The following MGRN1 variants were observed in gnomAD, a reference collection of about 807,000 sequenced individuals.
MGRN1 encodes the protein E3 ubiquitin-protein ligase MGRN1.
MGRN1 carries 29 observed loss-of-function variants against 69.2 expected under a neutral mutation model. The observed-to-expected ratio is 0.42, with a 90% CI of 0.31 to 0.57. The LOEUF (loss-of-function observed/expected upper bound fraction) is 0.57, where lower values mean the gene tolerates loss of function less well. Ranked by LOEUF, MGRN1 falls within the 20% of genes least tolerant of loss-of-function variation. MGRN1 has a pLI of 0.15. For synonymous variants in MGRN1, 470 were observed against 344.2 expected, an observed-to-expected ratio of 1.37 and a Z score of -4.04; for missense variants, 998 against 796.2, an observed-to-expected ratio of 1.25 and a Z score of -3.05.
At chr16:4,659,048 T>G (rs978642313) in intron 5 of MGRN1, 2 of 151,500 alleles carry the variant, frequency 1.3e-5, no homozygotes, top group Non-Finnish European at 2.9e-5. Context: ...TAAGGAGGGG[T>G]GAAAACCGAA....
In MGRN1 at chr16:4,650,346, T is replaced by C. The variant is rs1425540941; in HGVS notation, c.89-19T>C. 2 of 1,549,882 alleles carry C rather than the reference T, an allele frequency of 1.3e-6. No homozygotes were observed. Among genetic ancestry groups the C allele is most frequent in the Non-Finnish European group, 1.8e-6 (2 of 1,138,046 alleles). Reference sequence around the variant, plus strand: ...AAAAAAAAAAAAAAATCTATAATCGTGTTTCCTTTTTTAAACAGGAAACTA... The same window carrying C: ...AAAAAAAAAAAAAAATCTATAATCGCGTTTCCTTTTTTAAACAGGAAACTA... On this transcript the variant is annotated intron_variant, in intron 1 of 16. Transcript: ENST00000262370.
chr16:4,672,344 G>C (rs2078957190), intron 9 of MGRN1: 1 of 456,614 alleles, frequency 2.2e-6, no homozygotes. Flanking sequence ...CACCACGCCT[G>C]GTCGATGAAC....
At chr16:4,626,470 G>C (rs1897684894) in intron 1 of MGRN1, among the ~76,000 whole-genome samples, 1 of 152,190 alleles carries the variant, frequency 6.6e-6, no homozygotes, top group African/African-American at 2.4e-5. Flanking sequence ...CTGGGTCCCA[G>C]TTTCCTCATC....
chr16:4,683,177 G>C, intron 14 of MGRN1, 47 bp from the exon 15 acceptor site: 1 of 1,607,264 alleles, frequency 6.2e-7, no homozygotes, highest in Non-Finnish European at 8.5e-7. Context: ...CTGGAGCGGT[G>C]GCCGCGGCTC....
At position 4,688,793 on chromosome 16, in the gene MGRN1, C is replaced by T. The variant is rs1173631375; in HGVS notation, c.1619-3C>T. On this transcript the variant is annotated splice_polypyrimidine_tract_variant and splice_region_variant and intron_variant, in intron 16 of 16. Coordinates refer to ENST00000262370, the MANE Select transcript of MGRN1 (RefSeq NM_015246.4). Reference sequence around the variant, plus strand: ...ACCCTCCTCCCTCTGCTCCCACCTGCAGGACGGCCCACCTCCATGGAGACG... The same window carrying T: ...ACCCTCCTCCCTCTGCTCCCACCTGTAGGACGGCCCACCTCCATGGAGACG... 2.6e-6 allele frequency: 4 copies of T among 1,542,692 alleles called. No homozygotes were observed. The highest frequency in any genetic ancestry group is 3.5e-6 in the Non-Finnish European group (4 of 1,140,644).
intron 6 of MGRN1, 31 bp from the exon 7 acceptor site, chr16:4,665,069 ACT>A: frequency 6.2e-7 from 1 of 1,613,404 alleles, no homozygotes; most frequent in Non-Finnish European, 8.5e-7. Flanking sequence ...GCAGGCCCCG[ACT>A]CTGACTACTC....
intron 1 of MGRN1, among the ~76,000 whole-genome samples, chr16:4,627,865 G>C (rs1034198542): frequency 1.3e-5 from 2 of 151,382 alleles, no homozygotes; most frequent in Non-Finnish European, 2.9e-5. Flanking sequence ...TGGATCACAA[G>C]GTCAGGAGAT....
At chr16:4,669,902 C>G (rs2078900677) in intron 8 of MGRN1, among the ~76,000 whole-genome samples, 3 of 151,914 alleles carry the variant, frequency 2.0e-5, no homozygotes, top group African/African-American at 4.8e-5. Flanking sequence ...ATGGGGTGCC[C>G]TAAACAGCAG....
intron 12 of MGRN1, among the ~76,000 whole-genome samples, chr16:4,680,871 C>T (rs768328708): frequency 3.3e-5 from 5 of 152,202 alleles, no homozygotes; most frequent in Non-Finnish European, 7.3e-5. Context: ...TCCAGGAGCT[C>T]GGTCAGGCAG....
intron 11 of MGRN1, 89 bp downstream of exon 11, chr16:4,677,661 C>A: frequency 8.0e-7 from 1 of 1,257,850 alleles, no homozygotes; most frequent in Non-Finnish European, 1.1e-6. Context: ...CAGCCAGCAG[C>A]CCCGTGTTCT....
chr16:4,682,810 CCT>C lies in MGRN1; in HGVS notation c.1359-10_1359-9del. 6.4e-7 allele frequency: 1 copy of C among 1,550,566 alleles called. No individual in the cohort carries two copies. The highest frequency in any genetic ancestry group is 1.2e-5 in the South Asian group (1 of 84,200). ...ATCCTCTCACCCCTGCCCACCCTCT[CCT>C]CTGTCCCCAGCACCCTACGGTCCCC... On this transcript the variant is annotated splice_polypyrimidine_tract_variant and intron_variant, in intron 13 of 16. Transcript: ENST00000262370.
chr16:4,681,268 G>T (rs906360679), intron 12 of MGRN1: 3 of 463,856 alleles, frequency 6.5e-6, no homozygotes, highest in Non-Finnish European at 1.2e-5. Context: ...TGAAAGCCAG[G>T]GAGGGGCTGG....
At chr16:4,675,237 T>C (rs2079030320) in intron 10 of MGRN1, among the ~76,000 whole-genome samples, 1 of 152,034 alleles carries the variant, frequency 6.6e-6, no homozygotes, top group Admixed American at 6.6e-5. Flanking sequence ...CCTCCCAAAG[T>C]GCTGGGATTA....
chr16:4,674,906 C>T (rs562285220), intron 10 of MGRN1, among the ~76,000 whole-genome samples: 1 of 151,916 alleles, frequency 6.6e-6, no homozygotes, highest in Non-Finnish European at 1.5e-5. Flanking sequence ...TCCCAAAGTG[C>T]TGGGATTACA....
chr16:4,653,603 C>G (rs967069743), intron 4 of MGRN1, among the ~76,000 whole-genome samples: 2 of 152,146 alleles, frequency 1.3e-5, no homozygotes, highest in African/African-American at 4.8e-5. Flanking sequence ...ATTCTCCTGC[C>G]TCAGCCTCCT....
Position 4,687,299 on chromosome 16 carries a change from C to T in MGRN1, c.1619-1497C>T, listed in dbSNP as rs142017984. ...AGGCAGTGGTTCGCACCTATAAGCCCGGTACTTTGGGAGACCGAGGGGATA... is the reference window on the plus strand; with the variant it reads ...AGGCAGTGGTTCGCACCTATAAGCCTGGTACTTTGGGAGACCGAGGGGATA... On this transcript the variant is annotated intron_variant, in intron 16 of 16. Transcript: ENST00000262370. 155 of 984,992 alleles carry T rather than the reference C, an allele frequency of 1.6e-4. No homozygotes were observed. In the African/African-American group the frequency reaches 1.6e-3, roughly 10 times the overall value. The allele number at this position is 984,992 out of a possible 1,614,324, so 61.0% of individuals were successfully genotyped here. A position where few individuals can be genotyped will look rare whatever the true frequency, so the allele number is the denominator to read the frequency against.
At chr16:4,676,525 C>T (rs572569352) in intron 10 of MGRN1, among the ~76,000 whole-genome samples, 86 of 152,284 alleles carry the variant, frequency 5.6e-4, no homozygotes, top group African/African-American at 2.0e-3. Flanking sequence ...GCCTCAAGGA[C>T]GTGGCGGTAG....
At chr16:4,686,924 G>T in intron 16 of MGRN1, 18 of 985,492 alleles carry the variant, frequency 1.8e-5, no homozygotes, top group Non-Finnish European at 2.2e-5. Flanking sequence ...TCTCTTGGAG[G>T]GAGTCCGTCC....
In MGRN1 at chr16:4,680,117, G is replaced by T. The variant is rs758405269; in HGVS notation, c.1131+20G>T. 1 of 1,612,618 alleles carries T rather than the reference G, an allele frequency of 6.2e-7. No homozygotes were observed. The highest frequency in any genetic ancestry group is 8.5e-7 in the Non-Finnish European group (1 of 1,179,040). ...GAAACAGTAAGTGTCTGGTCCTCCG[G>T]CTACGTTTTTTTGCCCCCGCCCTCA... On this transcript the variant is annotated intron_variant, in intron 12 of 16. Coordinates refer to ENST00000262370, the MANE Select transcript of MGRN1 (RefSeq NM_015246.4).
Sources: allele counts gnomAD v4.1 joint callset (sites outside exome capture counted in the v4.1 genomes callset), GRCh38; gene constraint gnomAD v4.1.1; transcripts MANE v1.5; gene names NCBI Gene and HGNC (gene_info 2026-07-23, HGNC 2026-07-21).